Variants in ATRX observed in about 807,000 individuals in gnomAD.
The protein encoded by ATRX is chromatin remodeler ATRX.
In ATRX, 12 loss-of-function variants were observed where a neutral mutation model predicts 172.6. That is an observed-to-expected ratio of 0.07 (90% CI 0.04 to 0.11). ATRX has a LOEUF of 0.11. Among genes scored for constraint, ATRX ranks in the 10% least tolerant of loss-of-function variants. The probability of loss-of-function intolerance (pLI) is 1.00; values close to 1 mark genes in which losing one functional copy is unlikely to be tolerated. For missense variants in ATRX, 1,368 were observed against 1,767.4 expected (o/e 0.77, Z 4.05); for synonymous variants, 674 against 594.7 (o/e 1.13, Z -1.94).
intron 1 of ATRX, among the ~76,000 whole-genome samples, chrX:77,725,281 A>T (rs782693054): frequency 2.7e-5 from 3 of 111,900 alleles, no homozygotes; most frequent in South Asian, 7.5e-4. Context: ...GAGATATAGA[A>T]CAATGGAACA....
chrX:77,599,963 A>C (rs2066613842), intron 23 of ATRX, 143 bp from the exon 24 acceptor site: 1 of 516,465 alleles, frequency 1.9e-6, no homozygotes, highest in Non-Finnish European at 3.3e-6. Context: ...TAGACAAAGA[A>C]GACAGGACAG....
chrX:77,566,682 G>A (rs1282119416), intron 28 of ATRX, among the ~76,000 whole-genome samples: 1 of 111,365 alleles, frequency 9.0e-6, no homozygotes, highest in African/African-American at 3.3e-5. Context: ...AAGCCTAGGA[G>A]GTCAAGGCTG....
intron 1 of ATRX, among the ~76,000 whole-genome samples, chrX:77,735,335 G>A (rs1287276412): frequency 3.6e-5 from 4 of 111,496 alleles, no homozygotes; most frequent in Non-Finnish European, 7.5e-5. Flanking sequence ...AATGACTCAC[G>A]CCTGTAATCC....
chrX:77,694,527 A>G lies in ATRX; in HGVS notation c.371-590T>C, dbSNP rs1218149929. Among the ~76,000 whole-genome samples, 9 of 111,291 alleles carry G rather than the reference A, an allele frequency of 8.1e-5. No individual in the cohort carries two copies. In the Admixed American group the frequency reaches 8.6e-4, roughly 11 times the overall value. On this transcript the variant is annotated intron_variant, in intron 5 of 34. Coordinates refer to ENST00000373344, the MANE Select transcript of ATRX (RefSeq NM_000489.6). ...AGTCCTTAAAGAGTTTTAACAGATT[A>G]AGATACTTTAGCTGAAGTACCCTAA...
intron 15 of ATRX, among the ~76,000 whole-genome samples, chrX:77,642,109 C>T (rs1354943611): frequency 9.0e-6 from 1 of 111,149 alleles, no homozygotes; most frequent in Admixed American, 9.6e-5. Context: ...GCAAGAGTAT[C>T]TCTTGAGCCC....
At chrX:77,554,956 C>A (rs1225312608) in intron 30 of ATRX, among the ~76,000 whole-genome samples, 1 of 111,912 alleles carries the variant, frequency 8.9e-6, no homozygotes, top group Non-Finnish European at 1.9e-5. Context: ...AAAGCAGGCA[C>A]GTCCTCTCTT....
intron 22 of ATRX, chrX:77,615,864 C>T (rs782149482): frequency 1.7e-5 from 11 of 631,752 alleles, no homozygotes; most frequent in Non-Finnish European, 2.1e-5. Context: ...CCAAAGAGCA[C>T]CCTCTAACCT....
intron 25 of ATRX, 154 bp from the exon 26 acceptor site, chrX:77,594,003 G>A (rs144734697): frequency 4.1e-4 from 189 of 463,102 alleles, no homozygotes; most frequent in Non-Finnish European, 6.8e-4. Flanking sequence ...GCAGGCACAC[G>A]CACATACAGC....
Position 77,681,573 on chromosome X carries a change from G to C in ATRX, c.3683C>G (p.Pro1228Arg), listed in dbSNP as rs2148567074. Residue 1228 changes from proline (P) to arginine (R), a missense_variant, in exon 9 of 35, where the codon CCT becomes CGT. Around this residue, in one of 17 missense-constraint regions of ATRX, gnomAD observed 843 missense variants for 643.1 expected, o/e 1.31. Transcript: ENST00000373344. Reference sequence around the variant, plus strand: ...AGACAGCACTAAATTTTCAGTCACAGGCTTAATTTTCTGTTCATCGCTGCT... The same window carrying C: ...AGACAGCACTAAATTTTCAGTCACACGCTTAATTTTCTGTTCATCGCTGCT... ...EGSSDEQKIK[P>R]VTENLVLSSH... The C allele has an allele frequency of 5.0e-6, 6 of 1,209,788 alleles. No homozygotes were observed. The highest frequency in any genetic ancestry group is 6.7e-6 in the Non-Finnish European group (6 of 894,813).
At chrX:77,770,247 C>T (rs931603714) in intron 1 of ATRX, among the ~76,000 whole-genome samples, 2 of 109,195 alleles carry the variant, frequency 1.8e-5, no homozygotes, top group African/African-American at 3.3e-5. Flanking sequence ...GGATTACAGA[C>T]GCATGCCACC....
At chrX:77,750,855 G>A (rs782430478) in intron 1 of ATRX, among the ~76,000 whole-genome samples, 7 of 111,598 alleles carry the variant, frequency 6.3e-5, no homozygotes, top group East Asian at 5.6e-4. Context: ...CAAAAGACAC[G>A]AACTCAATCT....
At position 77,683,284 on chromosome X, in the gene ATRX, G is replaced by A. The variant is rs1557140467; in HGVS notation, c.1972C>T (p.Arg658Cys). Residue 658 changes from arginine to cysteine, a missense_variant, in exon 9 of 35, where the codon CGT becomes TGT. By Grantham distance (180) the Arg-to-Cys change is radical. Transcript: ENST00000373344. Reference sequence around the variant, plus strand: ...CGCCTCAAGGGTGTAGTCTTTACACGTGGGGATCTTCGAAGATCAGATTCC... The same window carrying A: ...CGCCTCAAGGGTGTAGTCTTTACACATGGGGATCTTCGAAGATCAGATTCC... ...LEESDLRRSP[R>C]VKTTPLRRPT... The A allele has an allele frequency of 8.3e-7, 1 of 1,209,830 alleles. No homozygotes were observed. Among genetic ancestry groups the A allele is most frequent in the Non-Finnish European group, 1.1e-6 (1 of 894,106 alleles).
chrX:77,756,726 C>T (rs1173583708), intron 1 of ATRX, among the ~76,000 whole-genome samples: 1 of 110,365 alleles, frequency 9.1e-6, no homozygotes, highest in Non-Finnish European at 1.9e-5. Context: ...TGAAGAAATC[C>T]CCCGCCTTCT....
rs782493929 is a variant in ATRX, at chrX:77,682,974, T to C, written c.2282A>G (p.His761Arg). Residue 761 changes from histidine (H) to arginine (R), a missense_variant, in exon 9 of 35, where the codon CAT (histidine) becomes CGT (arginine). Coordinates refer to ENST00000373344, the MANE Select transcript of ATRX (RefSeq NM_000489.6). ...AGTCTTTAAATCATACAAAGTCTTA[T>C]GGTTTGTATGAATTTCATTAATATC... is the stretch of plus-strand genomic sequence containing the variant. ...DTDINEIHTN[H>R]KTLYDLKTQA... 2.5e-6 allele frequency: 3 copies of C among 1,210,051 alleles called. No homozygotes were observed. In the Admixed American group the frequency reaches 6.5e-5, roughly 26 times the overall value.
intron 10 of ATRX, among the ~76,000 whole-genome samples, chrX:77,671,216 T>C (rs1274108915): frequency 1.1e-5 from 1 of 88,291 alleles, no homozygotes; most frequent in African/African-American, 4.1e-5. Context: ...CATAATGATC[T>C]GTACCCCAAA....
In ATRX at chrX:77,666,599, C is replaced by T. The variant is rs1401549403; in HGVS notation, c.3810-1821G>A. Among the ~76,000 whole-genome samples the T allele has an allele frequency of 2.7e-5, 3 of 112,322 alleles. No homozygotes were observed. In the Admixed American group the frequency reaches 2.8e-4, roughly 11 times the overall value. Reference sequence around the variant, plus strand: ...TTTCAGCCAGGTGTGGTGGCTCATGCCTGTAATCCCTGCACTTTGGAAAGC... The same window carrying T: ...TTTCAGCCAGGTGTGGTGGCTCATGTCTGTAATCCCTGCACTTTGGAAAGC... On this transcript the variant is annotated intron_variant, in intron 10 of 34. Transcript: ENST00000373344.
At chrX:77,557,239 T>C (rs1261022120) in intron 30 of ATRX, among the ~76,000 whole-genome samples, 5 of 112,010 alleles carry the variant, frequency 4.5e-5, no homozygotes, top group Admixed American at 3.8e-4. Context: ...AATATGTGTT[T>C]CAGAATATAC....
chrX:77,760,383 T>A (rs913567324), intron 1 of ATRX, among the ~76,000 whole-genome samples: 1 of 101,288 alleles, frequency 9.9e-6, no homozygotes, highest in Non-Finnish European at 2.0e-5. Context: ...AAACACCACA[T>A]ATTCTCATTC....
intron 26 of ATRX, among the ~76,000 whole-genome samples, 185 bp from the exon 27 acceptor site, chrX:77,590,125 GA>G (rs1182669513): frequency 9.0e-6 from 1 of 111,362 alleles, no homozygotes; most frequent in African/African-American, 3.3e-5. Context: ...AGACAATTCT[GA>G]AAAAGAAAAA....
Sources: gnomAD v4.1 joint callset for allele counts (sites outside exome capture counted in the v4.1 genomes callset) on GRCh38, gnomAD v4.1.1 for gene constraint, gnomAD v4.1.1 regional missense constraint, MANE v1.5 for transcripts, NCBI Gene and HGNC (gene_info 2026-07-23, HGNC 2026-07-21) for gene names.